The following CDH7 variants were observed in gnomAD, a reference collection of about 807,000 sequenced individuals.
CDH7 encodes the protein cadherin 7.
CDH7 carries 25 observed loss-of-function variants against 71.8 expected under a neutral mutation model. That is an observed-to-expected ratio of 0.35 (90% CI 0.25 to 0.49). The LOEUF is 0.49. Ranked by LOEUF, CDH7 falls within the 20% of genes least tolerant of loss-of-function variation. The pLI, the probability that CDH7 is intolerant of heterozygous loss-of-function variation, is 0.99. For missense variants in CDH7, 862 were observed against 974.6 expected (o/e 0.88, Z 1.54); for synonymous variants, 381 against 363.8 (o/e 1.05, Z -0.54).
At chr18:65,799,867 T>C (rs568219593) in intron 2 of CDH7, among the ~76,000 whole-genome samples, 1 of 152,280 alleles carries the variant, frequency 6.6e-6, no homozygotes, top group African/African-American at 2.4e-5. Flanking sequence ...CATGAATGAT[T>C]GAAATAGTTT....
At chr18:65,764,566 A>C (rs2143792473) in intron 2 of CDH7, among the ~76,000 whole-genome samples, 1 of 152,156 alleles carries the variant, frequency 6.6e-6, no homozygotes, top group South Asian at 2.1e-4. Flanking sequence ...GGATTTGATT[A>C]GGAAACTAGC....
intron 11 of CDH7, among the ~76,000 whole-genome samples, chr18:65,869,494 G>A (rs1417956871): frequency 2.1e-5 from 3 of 145,326 alleles, no homozygotes; most frequent in Non-Finnish European, 3.0e-5. Context: ...GACTCATTCT[G>A]CTTTGTCTTT....
rs140785495 is a variant in CDH7 at position 65,884,415 on chromosome 18, A to T, written c.*3521A>T. Reference sequence around the variant, plus strand: ...CTTTATTTGCCAGGAAGCTCTGCTGATGACTACAATTGAGGTTAGTTGTCT... The same window carrying T: ...CTTTATTTGCCAGGAAGCTCTGCTGTTGACTACAATTGAGGTTAGTTGTCT... On this transcript the variant is annotated 3_prime_UTR_variant, in exon 12 of 12. Coordinates refer to ENST00000397968, the MANE Select transcript of CDH7 (RefSeq NM_004361.5). 107 of 152,280 alleles carry T rather than the reference A, an allele frequency of 7.0e-4. 1 individual carries two copies. In the East Asian group the frequency reaches 0.019, roughly 28 times the overall value. 9.4% of individuals were successfully genotyped at this position (152,280 alleles called of 1,614,324 possible).
Position 65,809,690 on chromosome 18 carries a change from G to T in CDH7, c.211-14G>T. The T allele has an allele frequency of 6.2e-7, 1 of 1,605,412 alleles. No individual in the cohort carries two copies. Among genetic ancestry groups the T allele is most frequent in the Non-Finnish European group, 8.5e-7 (1 of 1,173,494 alleles). ...CTTGTAAGTTAATCTCATCTCACAT[G>T]AATTTTTCACCAGCTTCACTCTGAT... On this transcript the variant is annotated splice_polypyrimidine_tract_variant and intron_variant, in intron 2 of 11. Transcript: ENST00000397968.
chr18:65,764,805 A>T (rs1018812114), intron 2 of CDH7, among the ~76,000 whole-genome samples: 1 of 152,062 alleles, frequency 6.6e-6, no homozygotes. Flanking sequence ...CATTTTAAAA[A>T]TCTATATAGT....
At chr18:65,812,555 A>G (rs1003470433) in intron 3 of CDH7, among the ~76,000 whole-genome samples, 2 of 152,212 alleles carry the variant, frequency 1.3e-5, no homozygotes, top group African/African-American at 4.8e-5. Context: ...TTCAGTGTTT[A>G]ATATTCAAGG....
chr18:65,885,372 G>GTTTTTTTTCTTTTTTC lies in CDH7; in HGVS notation c.*4486_*4487insCTTTTTTCTTTTTTTT, dbSNP rs1555692661. 2 of 69,436 alleles carry GTTTTTTTTCTTTTTTC rather than the reference G, an allele frequency of 2.9e-5. No homozygotes were observed. Among genetic ancestry groups the GTTTTTTTTCTTTTTTC allele is most frequent in the Non-Finnish European group, 5.3e-5 (2 of 37,390 alleles). The allele number at this position is 69,436 out of a possible 1,614,324, so 4.3% of individuals were successfully genotyped here. A position where few individuals can be genotyped will look rare whatever the true frequency, so the allele number is the denominator to read the frequency against. On this transcript the variant is annotated 3_prime_UTR_variant, in exon 12 of 12. Transcript: ENST00000397968. ...GTAACTGAAAAGGATGTGTGCCTGT[G>GTTTTTTTTCTTTTTTC]TTTTTTTTTTTTTTTTTTTTTTTGA...
intron 1 of CDH7, among the ~76,000 whole-genome samples, chr18:65,757,188 T>C (rs904369750): frequency 2.0e-5 from 3 of 152,164 alleles, no homozygotes; most frequent in African/African-American, 7.2e-5. Flanking sequence ...CAAGAAAACG[T>C]TATAGTAATG....
At chr18:65,875,239 G>A (rs1043474864) in intron 11 of CDH7, among the ~76,000 whole-genome samples, 6 of 152,106 alleles carry the variant, frequency 3.9e-5, no homozygotes, top group African/African-American at 9.7e-5. Context: ...GGATATGACA[G>A]TTCATAATAG....
At chr18:65,779,089 T>C (rs1430828597) in intron 2 of CDH7, among the ~76,000 whole-genome samples, 2 of 151,148 alleles carry the variant, frequency 1.3e-5, no homozygotes, top group Admixed American at 6.6e-5. Flanking sequence ...TTTGTTTTTT[T>C]TAATGGAAAA....
Position 65,883,536 on chromosome 18 carries a change from T to A in CDH7, c.*2642T>A, listed in dbSNP as rs1164664472. The A allele has an allele frequency of 6.6e-6, 1 of 151,996 alleles. No homozygotes were observed. The highest frequency in any genetic ancestry group is 1.5e-5 in the Non-Finnish European group (1 of 67,926). The allele number at this position is 151,996 out of a possible 1,614,324, so 9.4% of individuals were successfully genotyped here. On this transcript the variant is annotated 3_prime_UTR_variant, in exon 12 of 12. Transcript: ENST00000397968. The stretch of plus-strand genomic sequence containing the variant: ...ATATATATTATCAAGTTGCTTAAAT[T>A]CAGTATTATACTGAAACCAACTAGA...
chr18:65,857,303 C>G lies in CDH7; in HGVS notation c.1236-513C>G, dbSNP rs571377843. ...TTCAAGACCAGCCTGAGGAATATAGCAAGACCCTGCATCTATAATAATAAT... is the reference window on the plus strand; with the variant it reads ...TTCAAGACCAGCCTGAGGAATATAGGAAGACCCTGCATCTATAATAATAAT... On this transcript the variant is annotated intron_variant, in intron 7 of 11. Transcript: ENST00000397968. Among the ~76,000 whole-genome samples the G allele has an allele frequency of 4.3e-4, 60 of 140,170 alleles. 2 individuals are homozygous for G. The South Asian group carries it at 0.013, about 30-fold the overall frequency. The allele number at this position is 140,170 out of a possible 152,430, so 92.0% of individuals were successfully genotyped here. A position where few individuals can be genotyped will look rare whatever the true frequency, so the allele number is the denominator to read the frequency against.
At chr18:65,758,198 T>C (rs1000790599) in intron 1 of CDH7, among the ~76,000 whole-genome samples, 2 of 152,254 alleles carry the variant, frequency 1.3e-5, no homozygotes, top group Admixed American at 1.3e-4. Context: ...GGATTACTTC[T>C]GGTTGACAAC....
At position 65,805,767 on chromosome 18, in the gene CDH7, G is replaced by C. The variant is rs540759296; in HGVS notation, c.211-3937G>C. ...TTGTTGTGCAAATATGAGATATTAT[G>C]ATATCTCAGTGTTATCTTTCAGCAC... On this transcript the variant is annotated intron_variant, in intron 2 of 11. Coordinates refer to ENST00000397968, the MANE Select transcript of CDH7 (RefSeq NM_004361.5). Among the ~76,000 whole-genome samples the C allele has an allele frequency of 2.0e-5, 3 of 152,298 alleles. No homozygotes were observed. In the South Asian group the frequency reaches 6.2e-4, roughly 32 times the overall value.
intron 2 of CDH7, among the ~76,000 whole-genome samples, chr18:65,775,366 T>A (rs1332360554): frequency 6.6e-6 from 1 of 152,220 alleles, no homozygotes; most frequent in Non-Finnish European, 1.5e-5. Flanking sequence ...GTAATACAAT[T>A]GTTATCAAGA....
chr18:65,834,755 C>T (rs1912474817), intron 6 of CDH7, among the ~76,000 whole-genome samples: 1 of 152,022 alleles, frequency 6.6e-6, no homozygotes, highest in Non-Finnish European at 1.5e-5. Context: ...AAAGAAATTC[C>T]CATGTCGAGA....
Position 65,843,798 on chromosome 18 carries a change from G to T in CDH7, c.982-14G>T. The T allele has an allele frequency of 1.4e-6, 2 of 1,476,188 alleles. No homozygotes were observed. The highest frequency in any genetic ancestry group is 2.8e-5 in the South Asian group (2 of 70,490). The allele number at this position is 1,476,188 out of a possible 1,614,324, so 91.4% of individuals were successfully genotyped here. Reference sequence around the variant, plus strand: ...TAACCGGTAATTTAATTTTCCTAACGACTTTCTTTACAGGAGCTGGATTTT... The same window carrying T: ...TAACCGGTAATTTAATTTTCCTAACTACTTTCTTTACAGGAGCTGGATTTT... On this transcript the variant is annotated splice_polypyrimidine_tract_variant and intron_variant, in intron 6 of 11. Transcript: ENST00000397968.
At position 65,887,606 on chromosome 18, in the gene CDH7, T is replaced by C. The variant is rs1244998934; in HGVS notation, c.*6712T>C. ...TTGTGTGCGTATGTGTGTGTGTATA[T>C]ATAGACAGCATGCGCACACATACAT... On this transcript the variant is annotated 3_prime_UTR_variant, in exon 12 of 12. Coordinates refer to ENST00000397968, the MANE Select transcript of CDH7 (RefSeq NM_004361.5). 6.6e-6 allele frequency: 1 copy of C among 152,152 alleles called. No homozygotes were observed. The highest frequency in any genetic ancestry group is 1.5e-5 in the Non-Finnish European group (1 of 68,028). 9.4% of individuals were successfully genotyped at this position (152,152 alleles called of 1,614,324 possible). A position where few individuals can be genotyped will look rare whatever the true frequency, so the allele number is the denominator to read the frequency against.
rs1197705278 is a variant in CDH7 at position 65,882,095 on chromosome 18, G to A, written c.*1201G>A. 1.3e-5 allele frequency: 2 copies of A among 152,048 alleles called. No homozygotes were observed. The highest frequency in any genetic ancestry group is 6.6e-5 in the Admixed American group (1 of 15,256). 9.4% of individuals were successfully genotyped at this position (152,048 alleles called of 1,614,324 possible). ...GCAAACCTATTGAGTAAAATATTGA[G>A]TTTTTAAAAGTCTTAATATAATGTT... On this transcript the variant is annotated 3_prime_UTR_variant, in exon 12 of 12. Transcript: ENST00000397968.
Sources: gnomAD v4.1 joint callset for allele counts (sites outside exome capture counted in the v4.1 genomes callset) on GRCh38, gnomAD v4.1.1 for gene constraint, MANE v1.5 for transcripts, NCBI Gene and HGNC (gene_info 2026-07-23, HGNC 2026-07-21) for gene names.